Variants in POMT1 observed in about 807,000 individuals in gnomAD.
POMT1 encodes the protein protein O-mannosyl-transferase 1.
Under a neutral mutation model 101.6 loss-of-function variants are expected in POMT1, and 85 were observed. The observed-to-expected ratio is 0.84, with a 90% CI of 0.70 to 1.00. The LOEUF (loss-of-function observed/expected upper bound fraction) is 1.00. POMT1 is among the 50% of genes least tolerant of loss of function. The probability of loss-of-function intolerance (pLI) is 0.00; values close to 1 mark genes in which losing one functional copy is unlikely to be tolerated. For missense variants in POMT1, 857 were observed against 930.4 expected, an observed-to-expected ratio of 0.92 and a Z score of 1.03; for synonymous variants, 371 against 383.0, an observed-to-expected ratio of 0.97 and a Z score of 0.37.
rs963728460 is a variant in POMT1 at position 131,522,838 on chromosome 9, G to T, written c.2004-94G>T. 5.3e-6 allele frequency: 7 copies of T among 1,317,930 alleles called. No individual in the cohort carries two copies. Among genetic ancestry groups the T allele is most frequent in the Non-Finnish European group, 7.4e-6 (7 of 950,134 alleles). 81.6% of individuals were successfully genotyped at this position (1,317,930 alleles called of 1,614,324 possible). A position where few individuals can be genotyped will look rare whatever the true frequency, so the allele number is the denominator to read the frequency against. On this transcript the variant is annotated intron_variant, in intron 19 of 19. Coordinates refer to ENST00000402686, the MANE Select transcript of POMT1 (RefSeq NM_001077365.2). The surrounding 1 kb of genome is among the most constrained non-coding windows in gnomAD (Gnocchi z 5.5). ...TGAAGGCAGAACCCCAGGCCTCGGGGGGTGACCGTGTGGACAGCAGATGCC... is the reference window on the plus strand; with the variant it reads ...TGAAGGCAGAACCCCAGGCCTCGGGTGGTGACCGTGTGGACAGCAGATGCC...
rs572556985 is a variant in POMT1 at position 131,512,447 on chromosome 9, A to AT, written c.1082+312dup. 4.6e-5 allele frequency among the ~76,000 whole-genome samples: 7 copies of AT among 152,200 alleles called. No individual in the cohort carries two copies. In the South Asian group the frequency reaches 1.5e-3, roughly 32 times the overall value. ...GCAAAAGTAGCATCATCTTGCACAC[A>AT]TCCCAGCTAGAGGTGCCCCTTGCTC... On this transcript the variant is annotated intron_variant, in intron 11 of 19. Coordinates refer to ENST00000402686, the MANE Select transcript of POMT1 (RefSeq NM_001077365.2).
chr9:131,507,202 C>G, intron 4 of POMT1, 166 bp from the exon 5 acceptor site: 1 of 917,622 alleles, frequency 1.1e-6, no homozygotes, highest in Non-Finnish European at 1.7e-6. Context: ...AATTTCAAAG[C>G]CTTCACCCAT....
Position 131,506,562 on chromosome 9 carries a change from T to TC in POMT1, c.280+112dup. 7.9e-6 allele frequency: 8 copies of TC among 1,018,854 alleles called. No individual in the cohort carries two copies. The South Asian group carries it at 1.0e-4, about 13-fold the overall frequency. 63.1% of individuals were successfully genotyped at this position (1,018,854 alleles called of 1,614,324 possible). On this transcript the variant is annotated intron_variant, in intron 4 of 19. Coordinates refer to ENST00000402686, the MANE Select transcript of POMT1 (RefSeq NM_001077365.2). ...GCTTTTTTTTTCCTTTCATACCTAGTCCCACAGAAACTGTGCCTTATTAAT... is the reference window on the plus strand; with the variant it reads ...GCTTTTTTTTTCCTTTCATACCTAGTCCCCACAGAAACTGTGCCTTATTAAT...
intron 2 of POMT1, among the ~76,000 whole-genome samples, chr9:131,504,789 GTGTT>G (rs1945404643): frequency 2.7e-5 from 4 of 149,138 alleles, no homozygotes; most frequent in African/African-American, 7.4e-5. Context: ...GTGTGTGTGT[GTGTT>G]TTTGAGACGG....
intron 10 of POMT1, 163 bp downstream of exon 10, chr9:131,511,630 G>A: frequency 1.0e-6 from 1 of 953,652 alleles, no homozygotes; most frequent in Non-Finnish European, 1.6e-6. Flanking sequence ...GTTCCCGGGT[G>A]TTGCTGGAGG....
At position 131,504,243 on chromosome 9, in the gene POMT1, G is replaced by C; in HGVS notation, c.25G>C (p.Val9Leu). Residue 9 changes from valine (V) to leucine (L), a missense_variant, in exon 2 of 20, where the codon GTA becomes CTA. By Grantham distance (32) the Val-to-Leu change is conservative. Transcript: ENST00000402686. ...GATGTGGGGATTTTTGAAGCGCCCT[G>C]TAGTGGTGACGGCTGACATCAACTT... MWGFLKRP[V>L]VVTADINLSL... 1 of 1,614,202 alleles carries C rather than the reference G, an allele frequency of 6.2e-7. No homozygotes were observed. Among genetic ancestry groups the C allele is most frequent in the Non-Finnish European group, 8.5e-7 (1 of 1,180,036 alleles).
At chr9:131,521,818 G>A (rs1448121278) in intron 18 of POMT1, among the ~76,000 whole-genome samples, 1 of 152,214 alleles carries the variant, frequency 6.6e-6, no homozygotes, top group African/African-American at 2.4e-5. Flanking sequence ...CATGTTGCCC[G>A]TATGCGCTGG....
chr9:131,515,579 A>G lies in POMT1; in HGVS notation c.1272+57A>G, dbSNP rs1588429696. The G allele has an allele frequency of 5.3e-6, 8 of 1,519,596 alleles. No individual in the cohort carries two copies. In the South Asian group the frequency reaches 6.7e-5, roughly 13 times the overall value. 94.1% of individuals were successfully genotyped at this position (1,519,596 alleles called of 1,614,324 possible). ...CCGTCAGTAATGAACACTCCCTCACACGGAGCACTTCCTCACCCGGAGCAC... is the reference window on the plus strand; with the variant it reads ...CCGTCAGTAATGAACACTCCCTCACGCGGAGCACTTCCTCACCCGGAGCAC... On this transcript the variant is annotated intron_variant, in intron 13 of 19. Coordinates refer to ENST00000402686, the MANE Select transcript of POMT1 (RefSeq NM_001077365.2).
Position 131,504,326 on chromosome 9 carries a change from C to T in POMT1, c.108C>T (p.Tyr36=). ...GLLSRLWRLT[Y]PRAVVFDEVY... ...TGAGCCGGCTGTGGCGACTCACCTA[C>T]CCGCGGGCTGTGGTGTAAGCTAAAT... Residue 36 remains tyrosine, a synonymous_variant, in exon 2 of 20, where the codon TAC becomes TAT. Coordinates refer to ENST00000402686, the MANE Select transcript of POMT1 (RefSeq NM_001077365.2). The T allele has an allele frequency of 6.2e-7, 1 of 1,614,202 alleles. No individual in the cohort carries two copies. Among genetic ancestry groups the T allele is most frequent in the South Asian group, 1.1e-5 (1 of 91,088 alleles).
At chr9:131,520,448 C>T (rs1258151641) in intron 17 of POMT1, among the ~76,000 whole-genome samples, 8 of 152,188 alleles carry the variant, frequency 5.3e-5, no homozygotes, top group Non-Finnish European at 1.2e-4. Flanking sequence ...CTTTTCCTGG[C>T]GAAAGTGGTT....
In POMT1 at chr9:131,519,257, GA is replaced by G; in HGVS notation, c.1487-130del. 1 of 979,600 alleles carries G rather than the reference GA, an allele frequency of 1.0e-6. No individual in the cohort carries two copies. The highest frequency in any genetic ancestry group is 1.4e-5 in the South Asian group (1 of 72,190). The allele number at this position is 979,600 out of a possible 1,614,324, so 60.7% of individuals were successfully genotyped here. The stretch of plus-strand genomic sequence containing the variant: ...TGGGTGTGGTGGGGAAAGCTAAGTG[GA>G]ATGATGCGGTTCGATAAGGGGTCTT... On this transcript the variant is annotated intron_variant, in intron 15 of 19. Transcript: ENST00000402686. This position sits in a 1 kb window ranked among gnomAD's most constrained non-coding sequence, Gnocchi z 4.3.
intron 5 of POMT1, among the ~76,000 whole-genome samples, chr9:131,507,756 G>T (rs1475983859): frequency 2.0e-5 from 3 of 152,182 alleles, no homozygotes; most frequent in Non-Finnish European, 4.4e-5. Context: ...AGATGCTGCT[G>T]CAAAGTCCAT....
intron 9 of POMT1, chr9:131,510,897 A>C (rs1588387086): frequency 3.3e-6 from 1 of 305,924 alleles, no homozygotes; most frequent in Non-Finnish European, 6.3e-6. Context: ...ATTCCTATGA[A>C]CCTCGCAGCA....
At chr9:131,507,869 AG>A (rs1279133968) in intron 5 of POMT1, among the ~76,000 whole-genome samples, 1 of 152,184 alleles carries the variant, frequency 6.6e-6, no homozygotes, top group Non-Finnish European at 1.5e-5. Context: ...TGGACTCGTG[AG>A]TCAGTGGATC....
intron 12 of POMT1, among the ~76,000 whole-genome samples, chr9:131,514,374 C>G (rs1200130557): frequency 1.3e-5 from 2 of 152,242 alleles, no homozygotes; most frequent in African/African-American, 4.8e-5. Flanking sequence ...GGGCTTCACA[C>G]TTGCTCCCTC....
chr9:131,517,216 C>T (rs1159887186), intron 13 of POMT1, among the ~76,000 whole-genome samples: 2 of 148,820 alleles, frequency 1.3e-5, no homozygotes. Context: ...CACAGCAAAG[C>T]CAGGTATCTG....
intron 13 of POMT1, among the ~76,000 whole-genome samples, chr9:131,517,953 G>C (rs541446396): frequency 5.3e-5 from 8 of 152,348 alleles, no homozygotes; most frequent in Non-Finnish European, 8.8e-5. Flanking sequence ...TCATTGTGAG[G>C]CTCCAGTATG....
chr9:131,522,057 G>A lies in POMT1; in HGVS notation c.1836G>A (p.Leu612=), dbSNP rs1306235186. Residue 612 remains leucine, a synonymous_variant, in exon 19 of 20, where the codon CTG becomes CTA. Transcript: ENST00000402686. The surrounding 1 kb of genome is among the most constrained non-coding windows in gnomAD (Gnocchi z 5.5). ...AGCCCTTTCCTATAGATGCCTGGCT[G>A]CGCTGGGTGCTGGCTGGGGCGCTGT... ...NVHDLPQDAW[L]RWVLAGALCA... The A allele has an allele frequency of 1.2e-6, 2 of 1,614,098 alleles. No individual in the cohort carries two copies. Among genetic ancestry groups the A allele is most frequent in the East Asian group, 2.2e-5 (1 of 44,878 alleles).
At chr9:131,521,705 A>G (rs1949953140) in intron 18 of POMT1, among the ~76,000 whole-genome samples, 1 of 152,146 alleles carries the variant, frequency 6.6e-6, no homozygotes. Flanking sequence ...GGAATCTTAA[A>G]TTATGTTTGT....
Sources: allele counts gnomAD v4.1 joint callset (sites outside exome capture counted in the v4.1 genomes callset), GRCh38; gene constraint gnomAD v4.1.1; non-coding constraint Gnocchi (gnomAD v3.1); transcripts MANE v1.5; gene names NCBI Gene and HGNC (gene_info 2026-07-23, HGNC 2026-07-21).